Variants in HMGCLL1 observed in about 807,000 individuals in gnomAD.
The protein encoded by HMGCLL1 is 3-hydroxymethyl-3-methylglutaryl-CoA lyase, cytoplasmic.
Under a neutral mutation model 39.1 loss-of-function variants are expected in HMGCLL1, and 36 were observed. The observed-to-expected ratio is 0.92, with a 90% CI of 0.71 to 1.22. HMGCLL1 has a LOEUF of 1.22. HMGCLL1 is among the 50% of genes most tolerant of loss of function. The probability of loss-of-function intolerance (pLI) is 0.00; values close to 1 mark genes in which losing one functional copy is unlikely to be tolerated. For missense variants in HMGCLL1, 451 were observed against 416.5 expected (o/e 1.08, Z -0.72); for synonymous variants, 149 against 144.0 (o/e 1.03, Z -0.25).
At chr6:55,620,688 A>G in the HMGCLL1 span, among the ~76,000 whole-genome samples, 2 of 151,874 alleles carry the variant, frequency 1.3e-5, no homozygotes, top group Non-Finnish European at 2.9e-5. Flanking sequence ...GCCCAGACTA[A>G]TGTACTGGAA....
chr6:55,606,908 G>A, the HMGCLL1 span, among the ~76,000 whole-genome samples: 2 of 152,080 alleles, frequency 1.3e-5, no homozygotes, highest in Non-Finnish European at 2.9e-5. Context: ...GAAAGGGAGA[G>A]AGAGAAAGAG....
At chr6:55,437,989 G>C (rs1327064668) in intron 8 of HMGCLL1, among the ~76,000 whole-genome samples, 8 of 152,018 alleles carry the variant, frequency 5.3e-5, no homozygotes, top group Admixed American at 5.3e-4. Flanking sequence ...TAGTTGAATT[G>C]TGGCAGCTAC....
the HMGCLL1 span, among the ~76,000 whole-genome samples, chr6:55,647,211 A>G: frequency 2.0e-5 from 3 of 151,918 alleles, no homozygotes; most frequent in East Asian, 3.9e-4. Flanking sequence ...AGGCATAACT[A>G]TACTTAATCC....
At chr6:55,625,224 A>C in the HMGCLL1 span, among the ~76,000 whole-genome samples, 1 of 152,078 alleles carries the variant, frequency 6.6e-6, no homozygotes, top group Non-Finnish European at 1.5e-5. Context: ...GGGTCAAGTC[A>C]CCATGCCACC....
intron 7 of HMGCLL1, among the ~76,000 whole-genome samples, chr6:55,482,993 G>A (rs148065433): frequency 8.1e-4 from 123 of 152,130 alleles, no homozygotes; most frequent in African/African-American, 2.7e-3. Context: ...GAAGATAAAC[G>A]AAACATGTAT....
intron 1 of HMGCLL1, among the ~76,000 whole-genome samples, chr6:55,569,802 A>G (rs1316017959): frequency 6.6e-6 from 1 of 152,178 alleles, no homozygotes; most frequent in African/African-American, 2.4e-5. Flanking sequence ...ACACCAAGGA[A>G]CACACTTGCT....
At chr6:55,614,325 C>T in the HMGCLL1 span, among the ~76,000 whole-genome samples, 2 of 152,028 alleles carry the variant, frequency 1.3e-5, no homozygotes, top group African/African-American at 4.8e-5. Context: ...AACTTAGAGA[C>T]ATCTTTCTTC....
intron 3 of HMGCLL1, among the ~76,000 whole-genome samples, chr6:55,524,008 T>G (rs1285107247): frequency 6.6e-6 from 1 of 151,988 alleles, no homozygotes; most frequent in Non-Finnish European, 1.5e-5. Flanking sequence ...TTCCTCCGTG[T>G]GAAGTGTGCA....
At chr6:55,479,841 G>A (rs9475311) in intron 7 of HMGCLL1, among the ~76,000 whole-genome samples, 31,138 of 151,386 alleles carry the variant, frequency 0.21, 3,581 homozygotes, top group African/African-American at 0.27. Flanking sequence ...CCCACTAATC[G>A]AATCCAGAAT....
intron 5 of HMGCLL1, among the ~76,000 whole-genome samples, chr6:55,505,363 T>C (rs1028044920): frequency 1.5e-4 from 22 of 151,714 alleles, no homozygotes; most frequent in Admixed American, 4.6e-4. Context: ...GATGAAATTA[T>C]ATGTAATCTC....
intron 1 of HMGCLL1, among the ~76,000 whole-genome samples, chr6:55,577,382 CAAAT>C (rs1771813424): frequency 6.6e-6 from 1 of 150,746 alleles, no homozygotes; most frequent in Admixed American, 6.6e-5. Flanking sequence ...ACTTGAGAGA[CAAAT>C]AAGAGTTTTC....
chr6:55,568,096 G>A (rs184928624), intron 1 of HMGCLL1, among the ~76,000 whole-genome samples: 284 of 152,112 alleles, frequency 1.9e-3, no homozygotes, highest in Non-Finnish European at 3.4e-3. Flanking sequence ...TTATGGTCTG[G>A]TTTTGGAATG....
the HMGCLL1 span, among the ~76,000 whole-genome samples, chr6:55,671,196 G>T: frequency 2.6e-5 from 4 of 151,782 alleles, no homozygotes; most frequent in Admixed American, 2.6e-4. Flanking sequence ...CCACTCCCAT[G>T]AATATGTTAC....
intron 7 of HMGCLL1, among the ~76,000 whole-genome samples, chr6:55,443,944 C>A (rs968867219): frequency 4.6e-5 from 7 of 152,014 alleles, no homozygotes; most frequent in African/African-American, 9.7e-5. Context: ...CCACACTAAT[C>A]AAAGCAGTGA....
the HMGCLL1 span, among the ~76,000 whole-genome samples, chr6:55,633,958 T>C: frequency 9.9e-5 from 15 of 152,282 alleles, no homozygotes; most frequent in African/African-American, 3.6e-4. Flanking sequence ...ATTTTACTTA[T>C]ATTTGCAAAT....
chr6:55,570,352 G>C (rs995045907), intron 1 of HMGCLL1, among the ~76,000 whole-genome samples: 1 of 152,086 alleles, frequency 6.6e-6, no homozygotes, highest in Non-Finnish European at 1.5e-5. Flanking sequence ...TTGAGAAGAA[G>C]GCACCTCTCC....
the HMGCLL1 span, among the ~76,000 whole-genome samples, chr6:55,596,209 A>T: frequency 6.6e-6 from 1 of 152,032 alleles, no homozygotes; most frequent in African/African-American, 2.4e-5. Context: ...CACCTGTAGT[A>T]GCAGCTACTC....
chr6:55,460,056 T>C (rs1764490175), intron 7 of HMGCLL1, among the ~76,000 whole-genome samples: 1 of 151,982 alleles, frequency 6.6e-6, no homozygotes, highest in Admixed American at 6.6e-5. Context: ...TTTAGGCTGG[T>C]ACCTAATCTT....
chr6:55,457,462 GAC>G (rs1764373213), intron 7 of HMGCLL1, among the ~76,000 whole-genome samples: 1 of 152,138 alleles, frequency 6.6e-6, no homozygotes, highest in African/African-American at 2.4e-5. Context: ...CCCTACTGGA[GAC>G]ACTGTCCATT....
Sources: gnomAD v4.1 joint callset for allele counts (sites outside exome capture counted in the v4.1 genomes callset) on GRCh38, gnomAD v4.1.1 for gene constraint, MANE v1.5 for transcripts, NCBI Gene and HGNC (gene_info 2026-07-23, HGNC 2026-07-21) for gene names.